DIP2B: variants seen among roughly 807,000 people sequenced by gnomAD.
DIP2B encodes the protein DIP2 acetate--CoA ligase B (putative).
DIP2B carries 76 observed loss-of-function variants against 198.0 expected under a neutral mutation model. That is an observed-to-expected ratio of 0.38 (90% CI 0.32 to 0.46). DIP2B has a LOEUF of 0.46. Among genes scored for constraint, DIP2B ranks in the 20% least tolerant of loss-of-function variants. The pLI, the probability that DIP2B is intolerant of heterozygous loss-of-function variation, is 0.99. For synonymous variants in DIP2B, 701 were observed against 739.1 expected (o/e 0.95, Z 0.84); for missense variants, 1,559 against 1,978.4 (o/e 0.79, Z 4.02).
At chr12:50,686,106 T>G in intron 11 of DIP2B, 150 bp downstream of exon 11, 3 of 865,220 alleles carry the variant, frequency 3.5e-6, no homozygotes, top group Non-Finnish European at 5.0e-6. Context: ...TATCCCCATT[T>G]TACAAGTGAG....
chr12:50,694,884 T>A (rs982492345), intron 14 of DIP2B, among the ~76,000 whole-genome samples: 6 of 151,276 alleles, frequency 4.0e-5, no homozygotes, highest in Admixed American at 4.0e-4. Flanking sequence ...TCTCTTATAC[T>A]GATATGCATA....
intron 2 of DIP2B, among the ~76,000 whole-genome samples, chr12:50,628,592 ACT>A (rs913587878): frequency 6.6e-6 from 1 of 151,542 alleles, no homozygotes; most frequent in South Asian, 2.1e-4. Context: ...TCGTACAGTC[ACT>A]CTCTCAGCCA....
intron 1 of DIP2B, among the ~76,000 whole-genome samples, chr12:50,549,133 A>G (rs1414678066): frequency 6.6e-6 from 1 of 151,534 alleles, no homozygotes; most frequent in South Asian, 2.1e-4. Flanking sequence ...GAATTCTTCT[A>G]TTGAGCAAGA....
chr12:50,587,520 C>T (rs930508617), intron 1 of DIP2B, among the ~76,000 whole-genome samples: 4 of 152,152 alleles, frequency 2.6e-5, no homozygotes, highest in African/African-American at 9.7e-5. Flanking sequence ...CAAAATAAAA[C>T]TAACTTGATA....
At chr12:50,573,330 A>G (rs1360434232) in intron 1 of DIP2B, among the ~76,000 whole-genome samples, 1 of 152,242 alleles carries the variant, frequency 6.6e-6, no homozygotes, top group Non-Finnish European at 1.5e-5. Context: ...AAGATTGAGT[A>G]TCGATCAAGT....
At chr12:50,515,486 C>T (rs189289301) in intron 1 of DIP2B, among the ~76,000 whole-genome samples, 2 of 152,180 alleles carry the variant, frequency 1.3e-5, no homozygotes, top group African/African-American at 4.8e-5. Flanking sequence ...GCCTTGGCCT[C>T]CAAAATGCTG....
At chr12:50,663,344 G>A (rs1565863046) in intron 4 of DIP2B, among the ~76,000 whole-genome samples, 1 of 149,556 alleles carries the variant, frequency 6.7e-6, no homozygotes, top group Non-Finnish European at 1.5e-5. Flanking sequence ...GGATCACAAG[G>A]TCAGGAGATC....
At chr12:50,554,322 T>C (rs1958450705) in intron 1 of DIP2B, among the ~76,000 whole-genome samples, 1 of 152,230 alleles carries the variant, frequency 6.6e-6, no homozygotes, top group Admixed American at 6.6e-5. Context: ...TGATATTTAA[T>C]ACTTAAGTTA....
At chr12:50,713,572 C>T (rs377298088) in intron 22 of DIP2B, among the ~76,000 whole-genome samples, 1 of 152,174 alleles carries the variant, frequency 6.6e-6, no homozygotes, top group South Asian at 2.1e-4. Context: ...CTCCAATGCT[C>T]GGTGTGCTAT....
chr12:50,540,640 C>G (rs1461231172), intron 1 of DIP2B, among the ~76,000 whole-genome samples: 4 of 151,354 alleles, frequency 2.6e-5, no homozygotes. Flanking sequence ...GCTCCGCCTC[C>G]CGGATTCACG....
At chr12:50,664,116 A>G (rs1306171591) in intron 4 of DIP2B, among the ~76,000 whole-genome samples, 2 of 152,076 alleles carry the variant, frequency 1.3e-5, no homozygotes, top group Non-Finnish European at 2.9e-5. Context: ...CTTCTTTGGG[A>G]GGCACTCAAT....
At chr12:50,521,109 T>TG (rs1958113893) in intron 1 of DIP2B, among the ~76,000 whole-genome samples, 1 of 149,500 alleles carries the variant, frequency 6.7e-6, no homozygotes, top group Non-Finnish European at 1.5e-5. Context: ...TTTTTTTTTT[T>TG]TTTTTTTTTT....
At chr12:50,673,592 G>T (rs189840217) in intron 5 of DIP2B, among the ~76,000 whole-genome samples, 1 of 152,152 alleles carries the variant, frequency 6.6e-6, no homozygotes, top group Non-Finnish European at 1.5e-5. Flanking sequence ...TTCGAGACCA[G>T]CCTGGGCAGC....
At chr12:50,713,928 A>G (rs1939664872) in intron 22 of DIP2B, among the ~76,000 whole-genome samples, 1 of 152,150 alleles carries the variant, frequency 6.6e-6, no homozygotes. Flanking sequence ...ATTAAAAAAA[A>G]GAAAAGAAAA....
At chr12:50,550,258 G>C (rs546081297) in intron 1 of DIP2B, among the ~76,000 whole-genome samples, 1 of 152,208 alleles carries the variant, frequency 6.6e-6, no homozygotes, top group Admixed American at 6.5e-5. Context: ...GTGTACTCGT[G>C]GGGCCAGCTG....
intron 1 of DIP2B, among the ~76,000 whole-genome samples, chr12:50,623,437 A>ACACACACTCT (rs1308369241): frequency 2.1e-4 from 12 of 57,160 alleles, no homozygotes; most frequent in Admixed American, 1.0e-3. Context: ...ACACACACAC[A>ACACACACTCT]CTCTCTCTCT....
chr12:50,541,328 A>G (rs904831716), intron 1 of DIP2B, among the ~76,000 whole-genome samples: 2 of 151,366 alleles, frequency 1.3e-5, no homozygotes, highest in African/African-American at 2.4e-5. Flanking sequence ...CAGTCACTCA[A>G]ATTTCCTTTG....
At chr12:50,668,254 A>G (rs1001062832) in intron 4 of DIP2B, among the ~76,000 whole-genome samples, 1 of 152,154 alleles carries the variant, frequency 6.6e-6, no homozygotes, top group African/African-American at 2.4e-5. Flanking sequence ...AATAGGGACT[A>G]TGTCTTCTTG....
At chr12:50,619,571 G>A (rs187758680) in intron 1 of DIP2B, among the ~76,000 whole-genome samples, 18 of 152,240 alleles carry the variant, frequency 1.2e-4, no homozygotes, top group African/African-American at 2.4e-4. Context: ...CTCCCATGGC[G>A]CTTAATTATA....
Sources: gnomAD v4.1 joint callset for allele counts (sites outside exome capture counted in the v4.1 genomes callset) on GRCh38, gnomAD v4.1.1 for gene constraint, MANE v1.5 for transcripts, NCBI Gene and HGNC (gene_info 2026-07-23, HGNC 2026-07-21) for gene names.